The following SLC4A5 variants were observed in gnomAD, a reference collection of about 807,000 sequenced individuals.
SLC4A5 encodes the protein electrogenic sodium bicarbonate cotransporter 4.
Under a neutral mutation model 120.4 loss-of-function variants are expected in SLC4A5, and 96 were observed. That is an observed-to-expected ratio of 0.80 (90% CI 0.68 to 0.94). The LOEUF (loss-of-function observed/expected upper bound fraction) is 0.94. SLC4A5 is among the 40% of genes least tolerant of loss of function. SLC4A5 has a pLI of 0.00. For missense variants in SLC4A5, 1,259 were observed against 1,459.5 expected (o/e 0.86, Z 2.24); for synonymous variants, 550 against 571.1 (o/e 0.96, Z 0.53).
rs1226509936 is a variant in SLC4A5 at position 74,230,343 on chromosome 2, C to T, written c.2847+893G>A. ...TTCTGGAGTCTCTCCAGAAAGAGAC[C>T]CTTGTGGGGGACGCCTGCCTCCATT... On this transcript the variant is annotated intron_variant, in intron 25 of 30. Transcript: ENST00000394019. 2.1e-4 allele frequency among the ~76,000 whole-genome samples: 32 copies of T among 152,092 alleles called. No individual in the cohort carries two copies. The East Asian group carries it at 6.0e-3, about 29-fold the overall frequency.
At chr2:74,293,703 T>C (rs1672243798) in intron 7 of SLC4A5, among the ~76,000 whole-genome samples, 2 of 152,192 alleles carry the variant, frequency 1.3e-5, no homozygotes, top group Non-Finnish European at 2.9e-5. Context: ...GAAACTCCTT[T>C]GTTCTTGTAA....
At chr2:74,309,924 A>T (rs540244799) in intron 6 of SLC4A5, among the ~76,000 whole-genome samples, 4 of 152,094 alleles carry the variant, frequency 2.6e-5, no homozygotes, top group Admixed American at 2.0e-4. Context: ...GGCCTCCCAA[A>T]GTGCTGGGAT....
intron 4 of SLC4A5, among the ~76,000 whole-genome samples, chr2:74,332,876 T>A (rs1013697534): frequency 6.6e-6 from 1 of 152,204 alleles, no homozygotes; most frequent in Admixed American, 6.5e-5. Context: ...AAGATATGGC[T>A]ACCCCTTTTC....
chr2:74,220,990 A>C (rs1452062305), intron 30 of SLC4A5, among the ~76,000 whole-genome samples: 1 of 148,354 alleles, frequency 6.7e-6, no homozygotes, highest in South Asian at 2.1e-4. Flanking sequence ...ACAGGCCCCC[A>C]CCACCATGCC....
At chr2:74,268,008 A>G (rs1204980200) in intron 8 of SLC4A5, among the ~76,000 whole-genome samples, 3 of 151,732 alleles carry the variant, frequency 2.0e-5, no homozygotes, top group African/African-American at 7.3e-5. Flanking sequence ...TTTAAAAAAG[A>G]GCACAGTCTA....
rs1186235078 is a variant in SLC4A5 at position 74,315,827 on chromosome 2, G to C, written c.-2-802C>G. Among the ~76,000 whole-genome samples, 5 of 151,730 alleles carry C rather than the reference G, an allele frequency of 3.3e-5. No homozygotes were observed. The East Asian group carries it at 9.7e-4, about 29-fold the overall frequency. On this transcript the variant is annotated intron_variant, in intron 5 of 30. Coordinates refer to ENST00000394019, the Ensembl canonical transcript of SLC4A5. ...AAAAGAAAAAACAAAAGCAATCTAT[G>C]CTTTTGTTTTTAAGTAAACAACACT...
At chr2:74,336,062 C>T (rs901021621) in intron 3 of SLC4A5, among the ~76,000 whole-genome samples, 21 of 151,940 alleles carry the variant, frequency 1.4e-4, no homozygotes, top group Non-Finnish European at 2.8e-4. Context: ...GAGGTCATTT[C>T]ATTTATTTAT....
chr2:74,239,493 TC>T lies in SLC4A5; in HGVS notation c.2160del (p.Ser721AlafsTer6), dbSNP rs1363551174. 6.2e-7 allele frequency: 1 copy of T among 1,613,924 alleles called. No homozygotes were observed. The highest frequency in any genetic ancestry group is 8.5e-7 in the Non-Finnish European group (1 of 1,179,914). On this transcript the variant is annotated frameshift_variant, in exon 21 of 31. Transcript: ENST00000394019. LOFTEE classifies it high-confidence loss of function. Reference sequence around the variant, plus strand: ...CCGTAGCTCAGACACTCCTTCTTGCTCAGCAGGGACCAGTCCAACGCTGTGA... The same window carrying T: ...CCGTAGCTCAGACACTCCTTCTTGCTAGCAGGGACCAGTCCAACGCTGTGA...
At chr2:74,240,906 C>G (rs184830864) in intron 20 of SLC4A5, among the ~76,000 whole-genome samples, 4 of 152,280 alleles carry the variant, frequency 2.6e-5, no homozygotes, top group Non-Finnish European at 4.4e-5. Context: ...TCACAAATGT[C>G]CCCCAAGTCC....
chr2:74,286,979 G>A (rs1382886681), intron 7 of SLC4A5, among the ~76,000 whole-genome samples: 2 of 152,132 alleles, frequency 1.3e-5, no homozygotes, highest in Non-Finnish European at 2.9e-5. Context: ...CCACTGCACA[G>A]GCTAGACACC....
rs145513894 is a variant in SLC4A5 at position 74,229,777 on chromosome 2, G to A, written c.2847+1459C>T. 4.7e-3 allele frequency among the ~76,000 whole-genome samples: 716 copies of A among 152,060 alleles called. 6 individuals are homozygous for A. The highest frequency in any genetic ancestry group is 0.017 in the African/African-American group (690 of 41,464). ...AGCCTCCTACTTACTGCTCGGGTAT[G>A]CCCAGCACCAATTCTCAAGCCAGAA... On this transcript the variant is annotated intron_variant, in intron 25 of 30. Transcript: ENST00000394019.
Position 74,226,962 on chromosome 2 carries a change from C to T in SLC4A5, c.3085G>A (p.Val1029Ile), listed in dbSNP as rs763447751. The T allele has an allele frequency of 4.3e-6, 7 of 1,613,114 alleles. No homozygotes were observed. In the East Asian group the frequency reaches 1.3e-4, roughly 31 times the overall value. ...GAAGCCCGTGCCCACTTTACCATGA[C>T]CGGGAAGATGATGGCAGCCACCGTG... The change falls in exon 27 of 31, where the codon GTC (valine) becomes ATC (isoleucine). Residue 1029 changes from valine (V) to isoleucine (I), a missense_variant. Transcript: ENST00000394019.
At position 74,255,295 on chromosome 2, in the gene SLC4A5, T is replaced by C. The variant is rs1670926155; in HGVS notation, c.1025+480A>G. Among the ~76,000 whole-genome samples, 1 of 152,154 alleles carries C rather than the reference T, an allele frequency of 6.6e-6. No homozygotes were observed. Among genetic ancestry groups the C allele is most frequent in the Non-Finnish European group, 1.5e-5 (1 of 68,020 alleles). On this transcript the variant is annotated intron_variant, in intron 13 of 30. Transcript: ENST00000394019. The surrounding 1 kb of genome is among the most constrained non-coding windows in gnomAD (Gnocchi z 4.0). The stretch of plus-strand genomic sequence containing the variant: ...CCTCCTTCTCTTTTATTATTTATTA[T>C]TTTTATTTTTTTTCTGAGACGCAGT...
intron 8 of SLC4A5, among the ~76,000 whole-genome samples, chr2:74,267,264 G>A (rs1671335310): frequency 6.6e-6 from 1 of 152,154 alleles, no homozygotes; most frequent in Non-Finnish European, 1.5e-5. Context: ...CATTCAGTGT[G>A]CATGCCTTTT....
chr2:74,281,310 G>A (rs1005242975), intron 8 of SLC4A5, among the ~76,000 whole-genome samples: 10 of 152,240 alleles, frequency 6.6e-5, no homozygotes, highest in African/African-American at 2.4e-4. Flanking sequence ...GGTTATTTCT[G>A]AGTAACCCCA....
At chr2:74,327,748 G>T (rs1229545106) in intron 5 of SLC4A5, among the ~76,000 whole-genome samples, 1 of 152,122 alleles carries the variant, frequency 6.6e-6, no homozygotes, top group African/African-American at 2.4e-5. Context: ...ATTTCAGCCA[G>T]TCTAACACAT....
chr2:74,227,522 T>C, intron 26 of SLC4A5: 3 of 1,612,192 alleles, frequency 1.9e-6, no homozygotes. Context: ...CTCACTGGAG[T>C]CAGCTTCTTC....
intron 16 of SLC4A5, chr2:74,250,878 C>A (rs754090224): frequency 4.4e-5 from 9 of 206,228 alleles, no homozygotes; most frequent in South Asian, 1.1e-4. Flanking sequence ...TTGGTGAACA[C>A]AGGAGTGTCT....
rs183170636 is a variant in SLC4A5 at position 74,309,120 on chromosome 2, T to C, written c.80-4440A>G. On this transcript the variant is annotated intron_variant, in intron 6 of 30. Coordinates refer to ENST00000394019, the Ensembl canonical transcript of SLC4A5. ...ATTTTTAGTAGTCTCAAAATCTCTA[T>C]GTTGCCCAGGCTGGTCTTGAACTCC... Among the ~76,000 whole-genome samples the C allele has an allele frequency of 3.0e-3, 454 of 152,084 alleles. 4 individuals carry two copies. The highest frequency in any genetic ancestry group is 0.011 in the African/African-American group (445 of 41,494).
Sources: gnomAD v4.1 joint callset for allele counts (sites outside exome capture counted in the v4.1 genomes callset) on GRCh38, gnomAD v4.1.1 for gene constraint, Gnocchi (gnomAD v3.1) non-coding constraint, MANE v1.5 for transcripts, NCBI Gene and HGNC (gene_info 2026-07-23, HGNC 2026-07-21) for gene names.